The following DENND2B variants were observed in gnomAD, a reference collection of about 807,000 sequenced individuals.
The protein encoded by DENND2B is DENN domain-containing protein 2B.
A neutral mutation model predicts 116.0 loss-of-function variants in DENND2B; 32 were observed. The observed-to-expected ratio is 0.28, with a 90% CI of 0.21 to 0.37. The LOEUF (loss-of-function observed/expected upper bound fraction) is 0.37, where lower values mean the gene tolerates loss of function less well. Among genes scored for constraint, DENND2B ranks in the 10% least tolerant of loss-of-function variants. The pLI, the probability that DENND2B is intolerant of heterozygous loss-of-function variation, is 1.00. For missense variants in DENND2B, 1,276 were observed against 1,477.7 expected (o/e 0.86, Z 2.24); for synonymous variants, 588 against 583.9 (o/e 1.01, Z -0.10).
intron 3 of DENND2B, among the ~76,000 whole-genome samples, chr11:8,841,311 G>A (rs1008951923): frequency 1.3e-5 from 2 of 151,816 alleles, no homozygotes; most frequent in African/African-American, 4.8e-5. Context: ...TCCTATATTG[G>A]TCCAAATTAA....
intron 1 of DENND2B, among the ~76,000 whole-genome samples, chr11:8,769,327 T>A (rs1395739663): frequency 2.6e-5 from 4 of 151,778 alleles, no homozygotes; most frequent in Non-Finnish European, 4.4e-5. Context: ...AACCTCTGCT[T>A]CCCAGGTTCA....
At chr11:8,700,279 C>T (rs992214012) in intron 14 of DENND2B, among the ~76,000 whole-genome samples, 5 of 152,146 alleles carry the variant, frequency 3.3e-5, no homozygotes, top group African/African-American at 1.2e-4. Context: ...CCAGCTCATT[C>T]CAGCTGTTGG....
chr11:8,853,162 G>A (rs554183394), intron 3 of DENND2B, among the ~76,000 whole-genome samples: 15 of 152,084 alleles, frequency 9.9e-5, no homozygotes, highest in East Asian at 1.9e-4. Flanking sequence ...TCAGAAGTTC[G>A]AGACCGGCCT....
intron 2 of DENND2B, among the ~76,000 whole-genome samples, chr11:8,857,947 C>T (rs2063253162): frequency 6.6e-6 from 1 of 152,218 alleles, no homozygotes; most frequent in Non-Finnish European, 1.5e-5. Flanking sequence ...TCTGCAGGTC[C>T]TCCAAGAAAT....
At chr11:8,787,089 G>A (rs183339276) in intron 1 of DENND2B, 2 of 152,270 alleles carry the variant, frequency 1.3e-5, no homozygotes, top group Non-Finnish European at 2.9e-5. Context: ...CTAGTAAAAG[G>A]AGGAGCCACA....
At chr11:8,868,297 AT>A (rs2063655958) in intron 2 of DENND2B, among the ~76,000 whole-genome samples, 1 of 152,226 alleles carries the variant, frequency 6.6e-6, no homozygotes, top group Non-Finnish European at 1.5e-5. Flanking sequence ...ATGACTTGTG[AT>A]GAGCATGTCA....
At chr11:8,699,054 G>T in intron 15 of DENND2B, 80 bp from the exon 16 acceptor site, 2 of 1,580,658 alleles carry the variant, frequency 1.3e-6, no homozygotes, top group Non-Finnish European at 1.7e-6. Flanking sequence ...GACCTCCCAG[G>T]TTCCCAGGGT....
rs745612639 is a variant in DENND2B at position 8,715,636 on chromosome 11, C to A, written c.1812G>T (p.Leu604=). ...NEDSLSTTSE[L]LSSRRARRIP... ...TGCGGCGGGCCCGGCGGCTGGACAG[C>A]AGCTCGCTGGTGGTGCTGAGGCTGT... The change falls in exon 6 of 20, where the codon CTG becomes CTT. Residue 604 remains leucine, a synonymous_variant. Transcript: ENST00000313726. 6.2e-7 allele frequency: 1 copy of A among 1,613,572 alleles called. No individual in the cohort carries two copies. Among genetic ancestry groups the A allele is most frequent in the Non-Finnish European group, 8.5e-7 (1 of 1,179,686 alleles).
intron 2 of DENND2B, among the ~76,000 whole-genome samples, chr11:8,859,439 C>G (rs2063319198): frequency 6.6e-6 from 1 of 152,192 alleles, no homozygotes; most frequent in African/African-American, 2.4e-5. Flanking sequence ...TCCCGAGTAG[C>G]TGGGACTACA....
intron 1 of DENND2B, among the ~76,000 whole-genome samples, chr11:8,765,809 G>A (rs554833117): frequency 3.7e-4 from 56 of 152,196 alleles, no homozygotes; most frequent in African/African-American, 1.2e-3. Context: ...AGGCCAAGGC[G>A]GGTAGATTAC....
intron 1 of DENND2B, among the ~76,000 whole-genome samples, chr11:8,896,593 C>A (rs1340181169): frequency 2.6e-5 from 4 of 152,176 alleles, no homozygotes; most frequent in African/African-American, 9.7e-5. Context: ...GTTTTTTCAA[C>A]TTTATGATGG....
rs1218568045 is a variant in DENND2B at position 8,707,496 on chromosome 11, C to G, written c.2431-271G>C. 1.3e-5 allele frequency among the ~76,000 whole-genome samples: 2 copies of G among 152,244 alleles called. No homozygotes were observed. Among genetic ancestry groups the G allele is most frequent in the Non-Finnish European group, 2.9e-5 (2 of 68,048 alleles). On this transcript the variant is annotated intron_variant, in intron 12 of 19. Transcript: ENST00000313726. The surrounding 1 kb of genome is among the most constrained non-coding windows in gnomAD (Gnocchi z 4.8). ...CACCCAAGAGTCAGCTCCCTGGGCG[C>G]TCCTGCTTCCCCAAGGACTCTGGCT... is the stretch of plus-strand genomic sequence containing the variant.
At chr11:8,751,454 G>T (rs374836968) in intron 1 of DENND2B, among the ~76,000 whole-genome samples, 1 of 152,048 alleles carries the variant, frequency 6.6e-6, no homozygotes, top group Non-Finnish European at 1.5e-5. Flanking sequence ...TTGTCCTTTC[G>T]CCCTGCAATA....
intron 1 of DENND2B, among the ~76,000 whole-genome samples, chr11:8,782,886 CAA>C (rs66930048): frequency 7.1e-5 from 7 of 98,852 alleles, no homozygotes; most frequent in Admixed American, 1.0e-4. Context: ...GACTCTGTCT[CAA>C]AAAAAAAAAA....
intron 18 of DENND2B, chr11:8,696,131 G>A (rs375895522): frequency 2.8e-5 from 12 of 424,468 alleles, no homozygotes; most frequent in Non-Finnish European, 4.2e-5. Flanking sequence ...TCTCTGGATA[G>A]AAGGGCTTTC....
At chr11:8,774,296 G>C in intron 1 of DENND2B, 1 of 985,422 alleles carries the variant, frequency 1.0e-6, no homozygotes, top group South Asian at 4.7e-5. Flanking sequence ...CCAAAGCACA[G>C]TAATCACCTG....
intron 1 of DENND2B, among the ~76,000 whole-genome samples, chr11:8,758,426 G>C (rs1257647408): frequency 6.6e-6 from 1 of 152,092 alleles, no homozygotes; most frequent in Non-Finnish European, 1.5e-5. Flanking sequence ...CCGTCTTCCT[G>C]TATTTTGAAA....
intron 1 of DENND2B, among the ~76,000 whole-genome samples, chr11:8,807,558 G>T (rs10769961): frequency 0.22 from 32,996 of 152,128 alleles, 3,792 homozygotes; most frequent in East Asian, 0.34. Context: ...TCTTCCCGGG[G>T]TGACTGATAT....
intron 2 of DENND2B, among the ~76,000 whole-genome samples, chr11:8,877,938 CAA>C (rs559558427): frequency 6.3e-4 from 96 of 152,184 alleles, no homozygotes; most frequent in African/African-American, 2.2e-3. Context: ...AACAACTACT[CAA>C]AAATAATAGC....
Sources: allele counts gnomAD v4.1 joint callset (sites outside exome capture counted in the v4.1 genomes callset), GRCh38; gene constraint gnomAD v4.1.1; non-coding constraint Gnocchi (gnomAD v3.1); transcripts MANE v1.5; gene names NCBI Gene and HGNC (gene_info 2026-07-23, HGNC 2026-07-21).